Variants in ABLIM1 observed in about 807,000 individuals in gnomAD.
ABLIM1 encodes actin-binding LIM protein 1.
In ABLIM1, 40 loss-of-function variants were observed where a neutral mutation model predicts 107.0. The ratio of observed to expected loss-of-function variants is 0.37; its 90% CI spans 0.29 to 0.49. The LOEUF is 0.49. Ranked by LOEUF, ABLIM1 falls within the 20% of genes least tolerant of loss-of-function variation. The pLI is 0.97. For synonymous variants in ABLIM1, 357 were observed against 357.3 expected, an observed-to-expected ratio of 1.00 and a Z score of 0.01; for missense variants, 857 against 1,008.5, an observed-to-expected ratio of 0.85 and a Z score of 2.04.
Position 114,439,305 on chromosome 10 carries a change from G to C in ABLIM1, c.2068-55C>G, listed in dbSNP as rs545246696. 5.0e-6 allele frequency: 8 copies of C among 1,594,674 alleles called. No individual in the cohort carries two copies. The South Asian group carries it at 6.6e-5, about 13-fold the overall frequency. On this transcript the variant is annotated intron_variant, in intron 20 of 22. Coordinates refer to ENST00000533213, the MANE Select transcript of ABLIM1 (RefSeq NM_002313.7). ...GCATGAAATAGTCTAGGAAACTGAA[G>C]GGAGTACTCTTGGGCTCCCAATTCC...
At chr10:114,706,403 T>C (rs879866165) in intron 1 of ABLIM1, among the ~76,000 whole-genome samples, 2 of 152,242 alleles carry the variant, frequency 1.3e-5, no homozygotes, top group Non-Finnish European at 2.9e-5. Context: ...CGCTTATCAA[T>C]AAATAAATCC....
chr10:114,590,489 T>G (rs2074738023), intron 2 of ABLIM1, among the ~76,000 whole-genome samples: 2 of 152,156 alleles, frequency 1.3e-5, no homozygotes, highest in Non-Finnish European at 1.5e-5. Context: ...CCAATTAGCT[T>G]TTAAACTGTA....
At chr10:114,757,232 G>C (rs2082649812) in intron 1 of ABLIM1, among the ~76,000 whole-genome samples, 1 of 152,126 alleles carries the variant, frequency 6.6e-6, no homozygotes, top group Admixed American at 6.5e-5. Context: ...TGAATGTAAA[G>C]AGGCAGCATT....
intron 1 of ABLIM1, among the ~76,000 whole-genome samples, chr10:114,693,112 T>A (rs1015620225): frequency 6.6e-6 from 1 of 152,164 alleles, no homozygotes; most frequent in South Asian, 2.1e-4. Context: ...GGCTTCCTAT[T>A]ATCTAGGCCA....
intron 2 of ABLIM1, among the ~76,000 whole-genome samples, chr10:114,595,287 T>C (rs1201970918): frequency 6.6e-6 from 1 of 152,172 alleles, no homozygotes; most frequent in Non-Finnish European, 1.5e-5. Flanking sequence ...TAAAGAGACA[T>C]TTAGAAATGC....
At chr10:114,554,587 T>C (rs1300957020) in intron 4 of ABLIM1, among the ~76,000 whole-genome samples, 2 of 152,156 alleles carry the variant, frequency 1.3e-5, no homozygotes, top group African/African-American at 4.8e-5. Flanking sequence ...TCCTAGCTAC[T>C]TTGGAGGCTG....
In ABLIM1 at chr10:114,758,034, A is replaced by C. The variant is rs112184334; in HGVS notation, c.-213+10027T>G. 7.6e-3 allele frequency among the ~76,000 whole-genome samples: 1,157 copies of C among 152,116 alleles called. 11 individuals are homozygous for C. Among genetic ancestry groups the C allele is most frequent in the African/African-American group, 0.027 (1,114 of 41,498 alleles). On this transcript the variant is annotated intron_variant, in intron 1 of 15. Coordinates refer to the ABLIM1 transcript ENST00000651092. ...TTACCAGATATCTTCATGACCCCTC[A>C]CTTCCTTCAGGTCTCTGCTGAAATG...
intron 1 of ABLIM1, among the ~76,000 whole-genome samples, chr10:114,671,048 C>T (rs1261763544): frequency 1.3e-5 from 2 of 152,176 alleles, no homozygotes; most frequent in Non-Finnish European, 2.9e-5. Context: ...CTAGAACATA[C>T]CTAACACCCC....
At chr10:114,651,754 T>C (rs1365297566) in intron 1 of ABLIM1, among the ~76,000 whole-genome samples, 4 of 152,226 alleles carry the variant, frequency 2.6e-5, no homozygotes, top group African/African-American at 9.6e-5. Flanking sequence ...TCTCCATTCA[T>C]GCCCTTGCAA....
intron 1 of ABLIM1, among the ~76,000 whole-genome samples, chr10:114,647,985 A>AGACAT (rs139568998): frequency 6.6e-6 from 1 of 152,234 alleles, no homozygotes; most frequent in African/African-American, 2.4e-5. Context: ...GGATGTAAAT[A>AGACAT]GAATGTACAT....
At chr10:114,452,031 C>G (rs979239964) in intron 13 of ABLIM1, among the ~76,000 whole-genome samples, 1 of 151,964 alleles carries the variant, frequency 6.6e-6, no homozygotes, top group African/African-American at 2.4e-5. Flanking sequence ...GGGAAAATGC[C>G]CAAATTGCTA....
chr10:114,582,386 C>A (rs2073496072), intron 2 of ABLIM1, among the ~76,000 whole-genome samples: 2 of 152,118 alleles, frequency 1.3e-5, no homozygotes, highest in Admixed American at 1.3e-4. Context: ...AAAACACATT[C>A]CATGCTCATG....
intron 1 of ABLIM1, among the ~76,000 whole-genome samples, chr10:114,725,372 G>A (rs185333066): frequency 1.2e-4 from 18 of 152,246 alleles, no homozygotes; most frequent in African/African-American, 3.9e-4. Context: ...GAAATGTGGA[G>A]CTGGGTTTTA....
chr10:114,641,247 T>TAAAAAAA (rs35168530), intron 1 of ABLIM1, among the ~76,000 whole-genome samples: 3 of 37,056 alleles, frequency 8.1e-5, no homozygotes, highest in Admixed American at 3.8e-4. Flanking sequence ...AAGCCAATCA[T>TAAAAAAA]AAAAAAAAAA....
chr10:114,725,420 T>C (rs1004097402), intron 1 of ABLIM1, among the ~76,000 whole-genome samples: 1 of 152,134 alleles, frequency 6.6e-6, no homozygotes, highest in Non-Finnish European at 1.5e-5. Flanking sequence ...TTCATATTTA[T>C]GAACAAGGAG....
chr10:114,688,584 G>T (rs1235074241), upstream of ABLIM1, among the ~76,000 whole-genome samples: 1 of 152,126 alleles, frequency 6.6e-6, no homozygotes, highest in Non-Finnish European at 1.5e-5. Flanking sequence ...TTCCCTCATT[G>T]ATTTCTTATA....
chr10:114,791,494 C>T, the ABLIM1 span, among the ~76,000 whole-genome samples: 4 of 151,858 alleles, frequency 2.6e-5, no homozygotes, highest in East Asian at 3.9e-4. Context: ...AAAAATTAGA[C>T]GGGCGTGGTG....
Position 114,707,323 on chromosome 10 carries a change from C to T in ABLIM1, c.-213+60738G>A, listed in dbSNP as rs1431647901. 6.6e-6 allele frequency among the ~76,000 whole-genome samples: 1 copy of T among 152,122 alleles called. No individual in the cohort carries two copies. Among genetic ancestry groups the T allele is most frequent in the Non-Finnish European group, 1.5e-5 (1 of 68,038 alleles). ...TCTCAGCTCACTGCAATCTCTGCCT[C>T]CCAGGTTCAAGCGATTCTCCAGCCT... is the stretch of plus-strand genomic sequence containing the variant. On this transcript the variant is annotated intron_variant, in intron 1 of 15. Transcript: ENST00000651092. This position sits in a 1 kb window ranked among gnomAD's most constrained non-coding sequence, Gnocchi z 4.1.
chr10:114,486,734 G>A (rs1190603351), intron 8 of ABLIM1, among the ~76,000 whole-genome samples: 1 of 151,916 alleles, frequency 6.6e-6, no homozygotes, highest in Non-Finnish European at 1.5e-5. Context: ...CTCAACTTAA[G>A]TATGTTCACA....
Sources: allele counts gnomAD v4.1 joint callset (sites outside exome capture counted in the v4.1 genomes callset), GRCh38; gene constraint gnomAD v4.1.1; non-coding constraint Gnocchi (gnomAD v3.1); transcripts MANE v1.5; gene names NCBI Gene and HGNC (gene_info 2026-07-23, HGNC 2026-07-21).